FARSB: variants seen among roughly 807,000 people sequenced by gnomAD.
FARSB encodes the protein phenylalanine--tRNA ligase beta subunit.
In FARSB, 40 loss-of-function variants were observed where a neutral mutation model predicts 69.6. The ratio of observed to expected loss-of-function variants is 0.57; its 90% CI spans 0.45 to 0.75. The LOEUF is 0.75. Ranked by LOEUF, FARSB falls within the 30% of genes least tolerant of loss-of-function variation. FARSB has a pLI of 0.00. For missense variants in FARSB, 632 were observed against 722.9 expected (o/e 0.87, Z 1.44); for synonymous variants, 235 against 247.2 (o/e 0.95, Z 0.46).
chr2:222,642,767 A>G (rs1691754437), intron 3 of FARSB, 84 bp downstream of exon 3: 1 of 1,091,248 alleles, frequency 9.2e-7, no homozygotes, highest in Non-Finnish European at 1.3e-6. Context: ...TTTTTCCTAG[A>G]AATTTAAACA....
chr2:222,602,107 T>C (rs1559198059), intron 15 of FARSB, among the ~76,000 whole-genome samples: 2 of 152,144 alleles, frequency 1.3e-5, no homozygotes, highest in Non-Finnish European at 2.9e-5. Context: ...TCAAAGGCAT[T>C]ACGCTGAAAG....
At chr2:222,645,988 T>G (rs531887507) in intron 2 of FARSB, among the ~76,000 whole-genome samples, 1 of 152,178 alleles carries the variant, frequency 6.6e-6, no homozygotes, top group South Asian at 2.1e-4. Flanking sequence ...AAAGTTCTCC[T>G]GTAAAATCAT....
chr2:222,634,275 T>C (rs1691516781), intron 6 of FARSB, 116 bp downstream of exon 6: 1 of 653,618 alleles, frequency 1.5e-6, no homozygotes, highest in Non-Finnish European at 2.5e-6. Context: ...TAGGTTGGAG[T>C]CCAGACACTG....
Position 222,571,864 on chromosome 2 carries a change from C to T in FARSB, c.*7G>A. On this transcript the variant is annotated 3_prime_UTR_variant, in exon 17 of 17. Coordinates refer to ENST00000281828, the MANE Select transcript of FARSB (RefSeq NM_005687.5). ...TGGGAAGAGAATCACACCACAGAGACCAATCTTCACAAAAAGGGTCCAACA... is the reference window on the plus strand; with the variant it reads ...TGGGAAGAGAATCACACCACAGAGATCAATCTTCACAAAAAGGGTCCAACA... 4 of 1,610,882 alleles carry T rather than the reference C, an allele frequency of 2.5e-6. No individual in the cohort carries two copies. In the South Asian group the frequency reaches 3.3e-5, roughly 13 times the overall value.
At chr2:222,655,912 C>A (rs1205582083) in intron 1 of FARSB, 104 bp downstream of exon 1, 8 of 963,730 alleles carry the variant, frequency 8.3e-6, no homozygotes, top group Non-Finnish European at 1.3e-5. Flanking sequence ...CCTCCCGGAG[C>A]CAAAACCTTC....
intron 5 of FARSB, among the ~76,000 whole-genome samples, chr2:222,635,929 A>C (rs1383937320): frequency 1.3e-5 from 2 of 152,032 alleles, no homozygotes; most frequent in East Asian, 3.9e-4. Context: ...AAAATGTAAA[A>C]ATTAGCTGGC....
intron 16 of FARSB, among the ~76,000 whole-genome samples, chr2:222,580,689 A>C (rs1485476204): frequency 1.3e-5 from 2 of 152,272 alleles, no homozygotes; most frequent in South Asian, 4.1e-4. Context: ...CCTTTAAAAA[A>C]AAATTCCACT....
Position 222,567,509 on chromosome 2 carries a change from C to T in FARSB, c.*4362G>A, listed in dbSNP as rs1422385036. ...AGATTGTGAGTAATGTTCTCTCTTA[C>T]CAAGCTGATGAGCCCATCATTGCTG... On this transcript the variant is annotated 3_prime_UTR_variant, in exon 17 of 17. Coordinates refer to ENST00000281828, the MANE Select transcript of FARSB (RefSeq NM_005687.5). 6.6e-6 allele frequency: 1 copy of T among 152,166 alleles called. No individual in the cohort carries two copies. The highest frequency in any genetic ancestry group is 1.5e-5 in the Non-Finnish European group (1 of 68,032). The allele number at this position is 152,166 out of a possible 1,614,324, so 9.4% of individuals were successfully genotyped here.
intron 16 of FARSB, among the ~76,000 whole-genome samples, chr2:222,599,071 A>G (rs535963755): frequency 1.7e-4 from 25 of 150,838 alleles, no homozygotes; most frequent in African/African-American, 6.0e-4. Context: ...ACAATCCCTG[A>G]GGACTAATAA....
chr2:222,572,381 G>C (rs1689739721), intron 16 of FARSB, among the ~76,000 whole-genome samples: 1 of 152,134 alleles, frequency 6.6e-6, no homozygotes, highest in Admixed American at 6.5e-5. Context: ...GGAAAAAAAT[G>C]AAACATAAAA....
chr2:222,617,800 T>G (rs1691035359), intron 14 of FARSB, among the ~76,000 whole-genome samples: 1 of 152,154 alleles, frequency 6.6e-6, no homozygotes. Flanking sequence ...CAAGAATCGC[T>G]TGAACCCAAG....
intron 15 of FARSB, among the ~76,000 whole-genome samples, chr2:222,612,439 C>T (rs1690880577): frequency 6.6e-6 from 1 of 152,154 alleles, no homozygotes; most frequent in Admixed American, 6.5e-5. Flanking sequence ...GGAGAGTTTG[C>T]CATGGACAGT....
intron 15 of FARSB, among the ~76,000 whole-genome samples, chr2:222,609,564 G>A (rs1207245513): frequency 2.0e-5 from 3 of 152,138 alleles, no homozygotes; most frequent in Non-Finnish European, 2.9e-5. Context: ...AGTCCCTTGA[G>A]TCATGACTAA....
chr2:222,648,874 A>G (rs1691947606), intron 1 of FARSB, 79 bp from the exon 2 acceptor site: 2 of 913,674 alleles, frequency 2.2e-6, no homozygotes, highest in East Asian at 4.8e-5. Context: ...GCATTTTCTT[A>G]TTACTAATTG....
At chr2:222,648,005 C>T (rs1274800456) in intron 2 of FARSB, among the ~76,000 whole-genome samples, 5 of 152,182 alleles carry the variant, frequency 3.3e-5, no homozygotes, top group Non-Finnish European at 2.9e-5. Flanking sequence ...TGCTGGCCTG[C>T]GGACTGTACT....
chr2:222,576,004 T>C (rs1046708420), intron 16 of FARSB, among the ~76,000 whole-genome samples: 4 of 151,838 alleles, frequency 2.6e-5, no homozygotes, highest in Non-Finnish European at 5.9e-5. Context: ...AAGAGAAATA[T>C]TATAGGCCCA....
intron 16 of FARSB, among the ~76,000 whole-genome samples, chr2:222,591,461 A>G (rs12622392): frequency 0.15 from 22,262 of 152,174 alleles, 2,553 homozygotes; most frequent in East Asian, 0.56. Context: ...CACACTCACA[A>G]TGTACCACCT....
At chr2:222,630,008 TG>T (rs1427755563) in intron 9 of FARSB, 104 bp downstream of exon 9, 65 of 706,918 alleles carry the variant, frequency 9.2e-5, no homozygotes, top group Non-Finnish European at 1.5e-4. Context: ...CCCAAAGTGC[TG>T]GGATTATAGG....
At chr2:222,629,429 A>G (rs551611928) in intron 9 of FARSB, among the ~76,000 whole-genome samples, 1 of 152,332 alleles carries the variant, frequency 6.6e-6, no homozygotes, top group East Asian at 1.9e-4. Context: ...TCTTACCGAC[A>G]TGGGATACAT....
Sources: gnomAD v4.1 joint callset for allele counts (sites outside exome capture counted in the v4.1 genomes callset) on GRCh38, gnomAD v4.1.1 for gene constraint, MANE v1.5 for transcripts, NCBI Gene and HGNC (gene_info 2026-07-23, HGNC 2026-07-21) for gene names.